Variants in LARGE1 observed in about 807,000 individuals in gnomAD.
The protein encoded by LARGE1 is LARGE xylosyl- and glucuronyltransferase 1.
In LARGE1, 43 loss-of-function variants were observed where a neutral mutation model predicts 87.6. That is an observed-to-expected ratio of 0.49 (90% confidence interval 0.38 to 0.63). LARGE1 has a LOEUF of 0.63. LARGE1 is among the 30% of genes least tolerant of loss of function. LARGE1 has a pLI of 0.00. For missense variants in LARGE1, 802 were observed against 1,000.2 expected, an observed-to-expected ratio of 0.80 and a Z score of 2.67; for synonymous variants, 434 against 394.6, an observed-to-expected ratio of 1.10 and a Z score of -1.18.
At chr22:33,285,553 G>A (rs949639727) in intron 12 of LARGE1, among the ~76,000 whole-genome samples, 1 of 152,170 alleles carries the variant, frequency 6.6e-6, no homozygotes, top group African/African-American at 2.4e-5. Context: ...GAACCTGGGA[G>A]GTGGAGGTTG....
At chr22:33,315,578 G>A (rs921994133) in intron 11 of LARGE1, among the ~76,000 whole-genome samples, 5 of 152,006 alleles carry the variant, frequency 3.3e-5, no homozygotes, top group Admixed American at 1.3e-4. Context: ...CTTGGTTTTC[G>A]GTGCTGGGGA....
At chr22:33,643,675 T>C (rs769212400) in intron 3 of LARGE1, among the ~76,000 whole-genome samples, 12 of 151,838 alleles carry the variant, frequency 7.9e-5, no homozygotes, top group South Asian at 6.2e-4. Flanking sequence ...GCTAGACTAA[T>C]AAAGAAGAAA....
intron 2 of LARGE1, among the ~76,000 whole-genome samples, chr22:33,715,390 G>A (rs887742337): frequency 1.3e-5 from 2 of 152,160 alleles, no homozygotes; most frequent in Non-Finnish European, 2.9e-5. Flanking sequence ...TTGAATTAAT[G>A]TTCCTAAGGG....
intron 6 of LARGE1, among the ~76,000 whole-genome samples, chr22:33,473,160 A>G (rs1004266997): frequency 2.6e-5 from 4 of 151,550 alleles, no homozygotes; most frequent in Non-Finnish European, 5.9e-5. Context: ...ACACTTTTTC[A>G]TATCTCTCTT....
chr22:33,726,130 C>G (rs2083266095), intron 2 of LARGE1: 1 of 148,074 alleles, frequency 6.8e-6, no homozygotes, highest in Non-Finnish European at 1.5e-5. Context: ...GGAAACTGGG[C>G]CCTGAGACAT....
At chr22:33,889,941 A>G (rs865990548) in intron 1 of LARGE1, among the ~76,000 whole-genome samples, 2 of 152,230 alleles carry the variant, frequency 1.3e-5, no homozygotes, top group Non-Finnish European at 2.9e-5. Flanking sequence ...TGAGGAACAC[A>G]CAGGCAAATG....
At chr22:33,199,522 G>A (rs992751698) in intron 11 of LARGE1, among the ~76,000 whole-genome samples, 5 of 152,098 alleles carry the variant, frequency 3.3e-5, no homozygotes, top group African/African-American at 1.2e-4. Flanking sequence ...TGCATCTTGA[G>A]TTAATTTTTG....
chr22:33,880,950 G>A (rs1310814229), intron 1 of LARGE1, among the ~76,000 whole-genome samples: 1 of 152,102 alleles, frequency 6.6e-6, no homozygotes, highest in Non-Finnish European at 1.5e-5. Context: ...TACTTTGAAT[G>A]TATGTTAATG....
the LARGE1 span, among the ~76,000 whole-genome samples, chr22:33,090,477 T>C: frequency 6.6e-6 from 1 of 152,116 alleles, no homozygotes; most frequent in Non-Finnish European, 1.5e-5. Flanking sequence ...GGTCGCAAGA[T>C]AACCATAGGG....
intron 6 of LARGE1, among the ~76,000 whole-genome samples, chr22:33,492,719 T>C (rs987830472): frequency 6.6e-6 from 1 of 152,220 alleles, no homozygotes; most frequent in African/African-American, 2.4e-5. Flanking sequence ...TCTCAATTTT[T>C]AATCAATTGT....
chr22:33,524,814 C>T (rs2071802587), intron 6 of LARGE1, among the ~76,000 whole-genome samples: 1 of 150,994 alleles, frequency 6.6e-6, no homozygotes, highest in South Asian at 2.1e-4. Flanking sequence ...AAGCTATAAG[C>T]AAAGTACAGC....
At chr22:33,353,749 G>C (rs1265395787) in intron 9 of LARGE1, among the ~76,000 whole-genome samples, 1 of 152,204 alleles carries the variant, frequency 6.6e-6, no homozygotes, top group Non-Finnish European at 1.5e-5. Flanking sequence ...TTTATGAAAA[G>C]AGAGTATGTG....
intron 1 of LARGE1, among the ~76,000 whole-genome samples, chr22:33,898,966 C>T (rs2065216813): frequency 1.3e-5 from 2 of 152,284 alleles, no homozygotes; most frequent in Admixed American, 6.5e-5. Context: ...ACAGGATGTG[C>T]TATTTATGCT....
intron 6 of LARGE1, among the ~76,000 whole-genome samples, chr22:33,438,097 T>C (rs1410068284): frequency 6.6e-6 from 1 of 152,132 alleles, no homozygotes; most frequent in African/African-American, 2.4e-5. Flanking sequence ...ATGATACAGG[T>C]GATCTGTGAC....
At chr22:33,203,882 C>T (rs1230303660) in intron 11 of LARGE1, among the ~76,000 whole-genome samples, 1 of 151,972 alleles carries the variant, frequency 6.6e-6, no homozygotes, top group Non-Finnish European at 1.5e-5. Context: ...TCATTCTGTC[C>T]CATCATCGCC....
At chr22:33,485,246 C>G (rs1208540993) in intron 6 of LARGE1, among the ~76,000 whole-genome samples, 3 of 148,514 alleles carry the variant, frequency 2.0e-5, no homozygotes, top group Admixed American at 6.7e-5. Flanking sequence ...CAGAGTCTTG[C>G]TCTGTCGCCC....
intron 7 of LARGE1, among the ~76,000 whole-genome samples, chr22:33,385,767 T>C (rs2065303208): frequency 6.8e-6 from 1 of 147,934 alleles, no homozygotes; most frequent in Non-Finnish European, 1.5e-5. Flanking sequence ...TGGGTGGAAC[T>C]GTAGCACCCA....
intron 1 of LARGE1, among the ~76,000 whole-genome samples, chr22:33,840,216 C>A (rs978789809): frequency 6.6e-6 from 1 of 152,098 alleles, no homozygotes; most frequent in African/African-American, 2.4e-5. Flanking sequence ...TGCACCAAAT[C>A]GGCACCCCCT....
intron 5 of LARGE1, among the ~76,000 whole-genome samples, chr22:33,580,035 G>A (rs1355078903): frequency 1.3e-5 from 2 of 152,142 alleles, no homozygotes; most frequent in African/African-American, 4.8e-5. Flanking sequence ...GCTGGAGTGT[G>A]GCAATTCCCT....
Sources: allele counts gnomAD v4.1 joint callset (sites outside exome capture counted in the v4.1 genomes callset), GRCh38; gene constraint gnomAD v4.1.1; transcripts MANE v1.5; gene names NCBI Gene and HGNC (gene_info 2026-07-23, HGNC 2026-07-21).